Variants in NTNG1 observed in about 807,000 individuals in gnomAD.
The protein encoded by NTNG1 is netrin-G1.
In NTNG1, 16 loss-of-function variants were observed where a neutral mutation model predicts 54.0. That is an observed-to-expected ratio of 0.30 (90% CI 0.20 to 0.45). The LOEUF is 0.45. NTNG1 is among the 20% of genes least tolerant of loss of function. NTNG1 has a pLI of 1.00. For synonymous variants in NTNG1, 255 were observed against 263.1 expected (o/e 0.97, Z 0.30); for missense variants, 530 against 678.7 (o/e 0.78, Z 2.43).
intron 2 of NTNG1, among the ~76,000 whole-genome samples, chr1:107,246,238 A>T (rs1662188840): frequency 6.6e-6 from 1 of 152,158 alleles, no homozygotes. Context: ...TATTTTTAAT[A>T]GAGACGGGGT....
At chr1:107,190,654 C>T (rs1283729348) in intron 2 of NTNG1, among the ~76,000 whole-genome samples, 2 of 152,066 alleles carry the variant, frequency 1.3e-5, no homozygotes, top group African/African-American at 4.8e-5. Context: ...TCAGTTCCCA[C>T]CTATGAGTGA....
intron 3 of NTNG1, among the ~76,000 whole-genome samples, chr1:107,374,082 G>T (rs1198126344): frequency 6.6e-6 from 1 of 152,032 alleles, no homozygotes. Context: ...TTATTACTTG[G>T]AAGATTTTAC....
intron 2 of NTNG1, among the ~76,000 whole-genome samples, chr1:107,250,018 G>C (rs1662485489): frequency 6.6e-6 from 1 of 152,166 alleles, no homozygotes; most frequent in Non-Finnish European, 1.5e-5. Context: ...GCAGGGAGAA[G>C]TGCTTTTCTT....
chr1:107,251,876 C>T lies in NTNG1; in HGVS notation c.247-72406C>T, dbSNP rs1207582539. Among the ~76,000 whole-genome samples, 3 of 152,198 alleles carry T rather than the reference C, an allele frequency of 2.0e-5. No individual in the cohort carries two copies. The East Asian group carries it at 5.8e-4, about 29-fold the overall frequency. Reference sequence around the variant, plus strand: ...ATAGTTTATGCTTTTTCAGTCTTTGCTGTTCCTATAATCTGTGGGCTCCTA... The same window carrying T: ...ATAGTTTATGCTTTTTCAGTCTTTGTTGTTCCTATAATCTGTGGGCTCCTA... On this transcript the variant is annotated intron_variant, in intron 2 of 7. Coordinates refer to ENST00000370068, the MANE Select transcript of NTNG1 (RefSeq NM_001113226.3).
At chr1:107,242,449 A>G (rs543572729) in intron 2 of NTNG1, among the ~76,000 whole-genome samples, 51 of 152,216 alleles carry the variant, frequency 3.4e-4, no homozygotes, top group South Asian at 1.2e-3. Flanking sequence ...AATCTGTGGT[A>G]AGAGAAAGTC....
chr1:107,291,714 A>G (rs932856836), intron 2 of NTNG1, among the ~76,000 whole-genome samples: 1 of 152,202 alleles, frequency 6.6e-6, no homozygotes, highest in Non-Finnish European at 1.5e-5. Flanking sequence ...ATAAACTTAA[A>G]AGAAAATACA....
At chr1:107,444,447 A>G (rs1175161626) in intron 7 of NTNG1, among the ~76,000 whole-genome samples, 1 of 152,014 alleles carries the variant, frequency 6.6e-6, no homozygotes, top group Non-Finnish European at 1.5e-5. Flanking sequence ...TACATTCAAA[A>G]CCCACAGCTC....
chr1:107,305,137 T>C (rs1214610485), intron 2 of NTNG1, among the ~76,000 whole-genome samples: 1 of 152,226 alleles, frequency 6.6e-6, no homozygotes, highest in East Asian at 1.9e-4. Context: ...AGTCTATCAT[T>C]GATGGGCATT....
intron 3 of NTNG1, among the ~76,000 whole-genome samples, chr1:107,358,954 A>G (rs1440163070): frequency 6.6e-6 from 1 of 152,226 alleles, no homozygotes; most frequent in Non-Finnish European, 1.5e-5. Flanking sequence ...GCCAACTGCT[A>G]CAAGGCTGAT....
chr1:107,147,469 T>G (rs1289606300), intron 1 of NTNG1, among the ~76,000 whole-genome samples: 1 of 152,130 alleles, frequency 6.6e-6, no homozygotes, highest in Non-Finnish European at 1.5e-5. Flanking sequence ...TTTGATTTTT[T>G]TTTTTCAGAG....
At chr1:107,205,561 C>T (rs1439647501) in intron 2 of NTNG1, among the ~76,000 whole-genome samples, 1 of 152,098 alleles carries the variant, frequency 6.6e-6, no homozygotes, top group Non-Finnish European at 1.5e-5. Flanking sequence ...ACAATTCCGC[C>T]TCTACCACAA....
rs190379213 is a variant in NTNG1 at position 107,238,062 on chromosome 1, A to G, written c.247-86220A>G. Among the ~76,000 whole-genome samples the G allele has an allele frequency of 2.6e-5, 4 of 152,228 alleles. No individual in the cohort carries two copies. In the East Asian group the frequency reaches 7.7e-4, roughly 29 times the overall value. ...TGTGGAAAAGCTGCAGACGCTCAAC[A>G]CCAGCCCTTGAAAGCAGCCAGGAGG... On this transcript the variant is annotated intron_variant, in intron 2 of 7. Coordinates refer to ENST00000370068, the MANE Select transcript of NTNG1 (RefSeq NM_001113226.3).
intron 2 of NTNG1, among the ~76,000 whole-genome samples, chr1:107,291,812 T>G (rs1326479644): frequency 6.6e-6 from 1 of 152,154 alleles, no homozygotes; most frequent in Admixed American, 6.5e-5. Context: ...AAAACAGTTT[T>G]TAGACATGAC....
At chr1:107,359,004 C>A (rs182235791) in intron 3 of NTNG1, among the ~76,000 whole-genome samples, 2 of 152,138 alleles carry the variant, frequency 1.3e-5, no homozygotes, top group African/African-American at 2.4e-5. Context: ...ATTGAAAATG[C>A]GGACGTCTCT....
chr1:107,443,969 G>A (rs1676144934), intron 7 of NTNG1, among the ~76,000 whole-genome samples: 1 of 152,076 alleles, frequency 6.6e-6, no homozygotes, highest in African/African-American at 2.4e-5. Flanking sequence ...AACAGAACCA[G>A]TAGGAGCCTC....
intron 2 of NTNG1, among the ~76,000 whole-genome samples, chr1:107,194,986 C>G (rs538139391): frequency 4.4e-4 from 67 of 151,968 alleles, no homozygotes; most frequent in Non-Finnish European, 7.9e-4. Context: ...AGGCATAACC[C>G]TTCTAGAAGC....
At chr1:107,471,760 T>A (rs1333717457) in intron 7 of NTNG1, among the ~76,000 whole-genome samples, 1 of 152,204 alleles carries the variant, frequency 6.6e-6, no homozygotes, top group Non-Finnish European at 1.5e-5. Flanking sequence ...GATGCTGTCT[T>A]TGAGGAAGGA....
At chr1:107,166,998 C>T (rs1448937270) in intron 2 of NTNG1, among the ~76,000 whole-genome samples, 1 of 152,068 alleles carries the variant, frequency 6.6e-6, no homozygotes, top group East Asian at 1.9e-4. Flanking sequence ...TTAACCTGCT[C>T]TAGGTCGTAA....
At chr1:107,237,171 C>T (rs770765904) in intron 2 of NTNG1, among the ~76,000 whole-genome samples, 12 of 152,160 alleles carry the variant, frequency 7.9e-5, no homozygotes, top group Middle Eastern at 3.2e-3. Flanking sequence ...AGATGAGGAA[C>T]TTGTTGGGAA....
Sources: gnomAD v4.1 joint callset for allele counts (sites outside exome capture counted in the v4.1 genomes callset) on GRCh38, gnomAD v4.1.1 for gene constraint, MANE v1.5 for transcripts, NCBI Gene and HGNC (gene_info 2026-07-23, HGNC 2026-07-21) for gene names.